The following LSAMP variants were observed in gnomAD, a reference collection of about 807,000 sequenced individuals.
The protein encoded by LSAMP is limbic system-associated membrane protein.
A neutral mutation model predicts 38.6 loss-of-function variants in LSAMP; 7 were observed. The ratio of observed to expected loss-of-function variants is 0.18; its 90% CI spans 0.10 to 0.34. The LOEUF is 0.34. Among genes scored for constraint, LSAMP ranks in the 10% least tolerant of loss-of-function variants. The pLI is 1.00. For synonymous variants in LSAMP, 154 were observed against 166.8 expected (o/e 0.92, Z 0.59); for missense variants, 313 against 420.0 (o/e 0.75, Z 2.23).
At chr3:116,130,159 C>T (rs2107500686) in intron 1 of LSAMP, among the ~76,000 whole-genome samples, 1 of 152,288 alleles carries the variant, frequency 6.6e-6, no homozygotes, top group South Asian at 2.1e-4. Flanking sequence ...GCCCTACCTA[C>T]CTGACTTTCT....
intron 1 of LSAMP, among the ~76,000 whole-genome samples, chr3:116,166,545 C>T (rs906868899): frequency 3.3e-5 from 5 of 152,056 alleles, no homozygotes; most frequent in Admixed American, 3.3e-4. Context: ...ACGATAACAC[C>T]ATTTTGTTAT....
chr3:116,203,211 A>T (rs994580716), intron 1 of LSAMP, among the ~76,000 whole-genome samples: 1 of 152,180 alleles, frequency 6.6e-6, no homozygotes, highest in African/African-American at 2.4e-5. Context: ...TACGCAAGGC[A>T]ATATTTAATT....
At chr3:116,232,699 C>CTTTCTTTT (rs1310867132) in intron 1 of LSAMP, among the ~76,000 whole-genome samples, 19 of 99,474 alleles carry the variant, frequency 1.9e-4, no homozygotes, top group South Asian at 4.5e-4. Context: ...TTCTTTCTTT[C>CTTTCTTTT]TTTTTTTTTT....
At chr3:115,941,625 G>T (rs1206171765) in intron 3 of LSAMP, among the ~76,000 whole-genome samples, 2 of 151,892 alleles carry the variant, frequency 1.3e-5, no homozygotes, top group African/African-American at 4.8e-5. Context: ...TAATAAAAAA[G>T]AATAACATTC....
intron 3 of LSAMP, among the ~76,000 whole-genome samples, chr3:115,879,835 C>T (rs1936277832): frequency 6.6e-6 from 1 of 152,060 alleles, no homozygotes. Context: ...ATATAGCCTT[C>T]CTTTTCAGGT....
intron 2 of LSAMP, among the ~76,000 whole-genome samples, chr3:116,079,465 A>AACAT (rs975006844): frequency 6.6e-6 from 1 of 152,114 alleles, no homozygotes; most frequent in Non-Finnish European, 1.5e-5. Flanking sequence ...GTCACTGGCA[A>AACAT]ACATAGTGAA....
At chr3:116,248,104 A>G (rs949810104) in intron 1 of LSAMP, among the ~76,000 whole-genome samples, 12 of 152,214 alleles carry the variant, frequency 7.9e-5, no homozygotes, top group African/African-American at 2.2e-4. Context: ...GTTACGTACT[A>G]GAGATACAAA....
chr3:116,387,204 G>A (rs150976567), intron 1 of LSAMP, among the ~76,000 whole-genome samples: 1 of 152,112 alleles, frequency 6.6e-6, no homozygotes, highest in Admixed American at 6.5e-5. Flanking sequence ...TGGCACTCAG[G>A]ATAAATGGAG....
chr3:115,850,636 T>G (rs1278102527), intron 4 of LSAMP, among the ~76,000 whole-genome samples: 2 of 152,186 alleles, frequency 1.3e-5, no homozygotes, highest in Non-Finnish European at 2.9e-5. Flanking sequence ...ACTAAAAAAT[T>G]GGAAGATAGC....
At chr3:116,349,190 T>C (rs78287126) in intron 1 of LSAMP, among the ~76,000 whole-genome samples, 4,550 of 152,132 alleles carry the variant, frequency 0.03, 94 homozygotes, top group South Asian at 0.082. Flanking sequence ...TTATTATGCT[T>C]TAGAAATAAA....
intron 1 of LSAMP, among the ~76,000 whole-genome samples, chr3:116,184,946 T>C (rs7614089): frequency 0.22 from 33,344 of 151,344 alleles, 3,799 homozygotes; most frequent in African/African-American, 0.27. Context: ...AGAATACATA[T>C]ATATTGAATT....
At position 116,125,796 on chromosome 3, in the gene LSAMP, T is replaced by C. The variant is rs192222787; in HGVS notation, c.156-39240A>G. 2.4e-4 allele frequency among the ~76,000 whole-genome samples: 36 copies of C among 152,302 alleles called. No individual in the cohort carries two copies. In the East Asian group the frequency reaches 6.0e-3, roughly 25 times the overall value. ...CAGAGTGTACATGATGGTATTTTTT[T>C]CTGGCAACAATGAAAACTGAAAAAG... On this transcript the variant is annotated intron_variant, in intron 1 of 6. Coordinates refer to ENST00000490035, the MANE Select transcript of LSAMP (RefSeq NM_002338.5).
intron 3 of LSAMP, among the ~76,000 whole-genome samples, chr3:115,881,484 C>T (rs753783378): frequency 1.3e-5 from 2 of 152,040 alleles, no homozygotes; most frequent in East Asian, 1.9e-4. Context: ...TTTCTTCCAC[C>T]GACCTTGTTA....
intron 1 of LSAMP, among the ~76,000 whole-genome samples, chr3:116,414,785 C>T (rs962679717): frequency 2.0e-5 from 3 of 152,148 alleles, no homozygotes; most frequent in Non-Finnish European, 4.4e-5. Flanking sequence ...TTAATTCCCA[C>T]AGTAATTGTA....
At chr3:116,087,136 A>C (rs1708009190) in intron 1 of LSAMP, among the ~76,000 whole-genome samples, 1 of 152,190 alleles carries the variant, frequency 6.6e-6, no homozygotes. Flanking sequence ...AAGGAAATCA[A>C]AGCAAACATC....
chr3:116,296,018 G>A (rs1426395305), intron 1 of LSAMP, among the ~76,000 whole-genome samples: 1 of 152,172 alleles, frequency 6.6e-6, no homozygotes, highest in Non-Finnish European at 1.5e-5. Flanking sequence ...ATGTCTGTGT[G>A]TGCTGGAAGA....
At chr3:115,892,838 TATATA>T (rs1333058022) in intron 3 of LSAMP, among the ~76,000 whole-genome samples, 1 of 148,672 alleles carries the variant, frequency 6.7e-6, no homozygotes. Flanking sequence ...TTATATTATA[TATATA>T]ATATATATTA....
chr3:116,079,015 C>A (rs1178059758), intron 2 of LSAMP, among the ~76,000 whole-genome samples: 1 of 152,120 alleles, frequency 6.6e-6, no homozygotes, highest in African/African-American at 2.4e-5. Context: ...GTACACAATT[C>A]TCTCTCTCTT....
At chr3:116,300,382 G>A (rs2047389860) in intron 1 of LSAMP, among the ~76,000 whole-genome samples, 2 of 152,150 alleles carry the variant, frequency 1.3e-5, no homozygotes, top group Admixed American at 1.3e-4. Context: ...GAAAGCACTG[G>A]GCAAGTGTTC....
Sources: allele counts gnomAD v4.1 joint callset (sites outside exome capture counted in the v4.1 genomes callset), GRCh38; gene constraint gnomAD v4.1.1; transcripts MANE v1.5; gene names NCBI Gene and HGNC (gene_info 2026-07-23, HGNC 2026-07-21).